SH3D19: variants seen among roughly 807,000 people sequenced by gnomAD.
SH3D19 encodes the protein SH3 domain-containing protein 19.
Under a neutral mutation model 112.1 loss-of-function variants are expected in SH3D19, and 58 were observed. The observed-to-expected ratio is 0.52, with a 90% CI of 0.42 to 0.64. SH3D19 has a LOEUF of 0.64. Among genes scored for constraint, SH3D19 ranks in the 30% least tolerant of loss-of-function variants. The pLI is 0.00. For missense variants in SH3D19, 1,090 were observed against 1,263.4 expected (o/e 0.86, Z 2.08); for synonymous variants, 391 against 448.5 (o/e 0.87, Z 1.62).
At chr4:151,141,611 C>T (rs77947585) in intron 12 of SH3D19, among the ~76,000 whole-genome samples, 85 of 152,266 alleles carry the variant, frequency 5.6e-4, no homozygotes, top group African/African-American at 2.0e-3. Flanking sequence ...TGCCACTATA[C>T]TCTGACTTGG....
At chr4:151,280,005 A>G in intron 1 of SH3D19, 1 of 1,272,676 alleles carries the variant, frequency 7.9e-7, no homozygotes, top group Non-Finnish European at 1.0e-6. Context: ...CTCAGTGAAT[A>G]TTTGCATCAC....
chr4:151,214,386 C>T (rs1766545005), intron 2 of SH3D19, among the ~76,000 whole-genome samples: 2 of 128,376 alleles, frequency 1.6e-5, no homozygotes, highest in Non-Finnish European at 3.5e-5. Flanking sequence ...CTGTTGGGCA[C>T]ACCTCCCAGA....
At chr4:151,179,913 C>T (rs990771288) in intron 3 of SH3D19, among the ~76,000 whole-genome samples, 1 of 152,062 alleles carries the variant, frequency 6.6e-6, no homozygotes, top group African/African-American at 2.4e-5. Flanking sequence ...AGGGTCTCAC[C>T]CTGTTGCTCA....
chr4:151,210,095 C>A (rs1033896827), intron 2 of SH3D19, among the ~76,000 whole-genome samples: 14 of 152,116 alleles, frequency 9.2e-5, no homozygotes, highest in Admixed American at 8.5e-4. Flanking sequence ...GGTAAGAATG[C>A]AACCCTTCAT....
chr4:151,217,759 T>C (rs1767362029), intron 2 of SH3D19, among the ~76,000 whole-genome samples: 1 of 152,116 alleles, frequency 6.6e-6, no homozygotes, highest in African/African-American at 2.4e-5. Context: ...CTAACTGCAA[T>C]GAATTGGAAA....
chr4:151,266,825 T>A (rs574749622), intron 1 of SH3D19, among the ~76,000 whole-genome samples: 8 of 152,352 alleles, frequency 5.3e-5, no homozygotes, highest in African/African-American at 1.7e-4. Flanking sequence ...TTATGACTCC[T>A]CTGTGTTAAG....
intron 2 of SH3D19, among the ~76,000 whole-genome samples, chr4:151,221,132 A>G (rs947716249): frequency 6.6e-6 from 1 of 152,202 alleles, no homozygotes; most frequent in African/African-American, 2.4e-5. Flanking sequence ...TTCTTAGTTT[A>G]GCACTGAGGT....
intron 2 of SH3D19, among the ~76,000 whole-genome samples, chr4:151,196,056 C>G (rs1176235531): frequency 2.6e-5 from 4 of 152,100 alleles, no homozygotes; most frequent in African/African-American, 9.7e-5. Flanking sequence ...CTGGTATAAG[C>G]TGCTGCCACA....
chr4:151,312,833 G>A (rs902607530), intron 1 of SH3D19, among the ~76,000 whole-genome samples: 8 of 151,376 alleles, frequency 5.3e-5, no homozygotes, highest in African/African-American at 7.3e-5. Flanking sequence ...CCCGGGAGGC[G>A]AAGGTTGCAG....
In SH3D19 at chr4:151,165,709, A is replaced by G; in HGVS notation, c.1535-13T>C. On this transcript the variant is annotated splice_polypyrimidine_tract_variant and intron_variant, in intron 7 of 19. Coordinates refer to ENST00000604030, the MANE Select transcript of SH3D19 (RefSeq NM_001378122.1). ...AGCTGAAAGGGATCTAATGAAAAACATAGTTTATTTTGCATGTTTTAGTTA... is the reference window on the plus strand; with the variant it reads ...AGCTGAAAGGGATCTAATGAAAAACGTAGTTTATTTTGCATGTTTTAGTTA... The G allele has an allele frequency of 1.2e-6, 2 of 1,608,666 alleles. No homozygotes were observed. Among genetic ancestry groups the G allele is most frequent in the Non-Finnish European group, 1.7e-6 (2 of 1,175,318 alleles).
intron 1 of SH3D19, among the ~76,000 whole-genome samples, chr4:151,252,016 C>T (rs1254635175): frequency 1.3e-5 from 2 of 152,230 alleles, no homozygotes; most frequent in Admixed American, 6.5e-5. Context: ...CAAGTGGCAT[C>T]TGTGCCCATT....
At chr4:151,312,530 G>C (rs1729557386) in intron 1 of SH3D19, among the ~76,000 whole-genome samples, 1 of 152,172 alleles carries the variant, frequency 6.6e-6, no homozygotes, top group African/African-American at 2.4e-5. Flanking sequence ...CCCTACAGTA[G>C]AGATAACTGA....
At chr4:151,198,620 A>G (rs182655069) in intron 2 of SH3D19, among the ~76,000 whole-genome samples, 233 of 151,712 alleles carry the variant, frequency 1.5e-3, no homozygotes, top group Non-Finnish European at 2.5e-3. Context: ...TTCACCAAAT[A>G]TCTAGTGATG....
At chr4:151,256,694 G>GTTTTTTTTTTTTT (rs70941490) in intron 1 of SH3D19, among the ~76,000 whole-genome samples, 1 of 134,294 alleles carries the variant, frequency 7.4e-6, no homozygotes, top group Admixed American at 7.5e-5. Context: ...TTGTTTTGTT[G>GTTTTTTTTTTTTT]TTTTTTTTTT....
intron 2 of SH3D19, among the ~76,000 whole-genome samples, chr4:151,215,973 G>A (rs1767020590): frequency 6.6e-6 from 1 of 152,126 alleles, no homozygotes; most frequent in Non-Finnish European, 1.5e-5. Context: ...TGGGATTACA[G>A]GCGCATGCCA....
chr4:151,155,820 T>G (rs1252732398), intron 9 of SH3D19, among the ~76,000 whole-genome samples: 1 of 152,082 alleles, frequency 6.6e-6, no homozygotes, highest in Non-Finnish European at 1.5e-5. Flanking sequence ...ACCCAGGAGG[T>G]AGAGGTTGCA....
chr4:151,155,350 A>C (rs969410291), intron 9 of SH3D19, among the ~76,000 whole-genome samples: 2 of 152,228 alleles, frequency 1.3e-5, no homozygotes, highest in African/African-American at 4.8e-5. Flanking sequence ...AGTGATCACT[A>C]AATTTTAATT....
intron 1 of SH3D19, among the ~76,000 whole-genome samples, chr4:151,249,683 C>G (rs919712297): frequency 1.3e-5 from 2 of 151,814 alleles, no homozygotes; most frequent in Non-Finnish European, 2.9e-5. Context: ...GATTTAGAAA[C>G]AACATTTTCA....
chr4:151,221,764 T>G (rs1768094941), intron 2 of SH3D19, among the ~76,000 whole-genome samples: 2 of 152,162 alleles, frequency 1.3e-5, no homozygotes. Flanking sequence ...AATAAGAGAT[T>G]AAAAATACTG....
Sources: allele counts gnomAD v4.1 joint callset (sites outside exome capture counted in the v4.1 genomes callset), GRCh38; gene constraint gnomAD v4.1.1; transcripts MANE v1.5; gene names NCBI Gene and HGNC (gene_info 2026-07-23, HGNC 2026-07-21).